Variants in TMCC1 observed in about 807,000 individuals in gnomAD.
The protein encoded by TMCC1 is transmembrane and coiled-coil domains protein 1.
A neutral mutation model predicts 52.4 loss-of-function variants in TMCC1; 15 were observed. That is an observed-to-expected ratio of 0.29 (90% confidence interval 0.19 to 0.44). TMCC1 has a LOEUF of 0.44. TMCC1 is among the 20% of genes least tolerant of loss of function. The pLI is 1.00. For missense variants in TMCC1, 503 were observed against 806.0 expected (o/e 0.62, Z 4.55); for synonymous variants, 279 against 301.9 (o/e 0.92, Z 0.79).
intron 4 of TMCC1, among the ~76,000 whole-genome samples, chr3:129,725,797 C>G (rs551645245): frequency 6.6e-6 from 1 of 152,050 alleles, no homozygotes; most frequent in African/African-American, 2.4e-5. Flanking sequence ...AAGAAACAAC[C>G]GTACTAAATT....
At chr3:129,676,331 T>C (rs1157652559) in intron 4 of TMCC1, among the ~76,000 whole-genome samples, 1 of 152,224 alleles carries the variant, frequency 6.6e-6, no homozygotes, top group Non-Finnish European at 1.5e-5. Context: ...TTTGACTGTT[T>C]ATTATATGCA....
At chr3:129,822,332 C>A (rs2058461031) in intron 4 of TMCC1, among the ~76,000 whole-genome samples, 2 of 152,096 alleles carry the variant, frequency 1.3e-5, no homozygotes, top group South Asian at 4.1e-4. Context: ...CCTAGCTACT[C>A]AAGAGACTGA....
intron 4 of TMCC1, among the ~76,000 whole-genome samples, chr3:129,770,044 G>A (rs768391268): frequency 1.3e-5 from 2 of 152,108 alleles, no homozygotes; most frequent in Non-Finnish European, 2.9e-5. Flanking sequence ...GGCCTACCTT[G>A]CATTTCTGAA....
Position 129,748,191 on chromosome 3 carries a change from CTG to C in TMCC1, c.577-76929_577-76928del, listed in dbSNP as rs202031333. Reference sequence around the variant, plus strand: ...GTTCAACACTTCCTGTGTCTCAAAACTGTATTGAAATAAACAGCCATGTCATC... The same window carrying C: ...GTTCAACACTTCCTGTGTCTCAAAACTATTGAAATAAACAGCCATGTCATC... On this transcript the variant is annotated intron_variant, in intron 4 of 6. Transcript: ENST00000393238. Among the ~76,000 whole-genome samples the C allele has an allele frequency of 9.1e-3, 1,392 of 152,272 alleles. 22 individuals carry two copies. The highest frequency in any genetic ancestry group is 0.031 in the African/African-American group (1,301 of 41,538).
At chr3:129,748,898 G>A (rs1326599113) in intron 4 of TMCC1, among the ~76,000 whole-genome samples, 2 of 152,002 alleles carry the variant, frequency 1.3e-5, no homozygotes, top group African/African-American at 2.4e-5. Context: ...AGCTACTCAG[G>A]AGGCTAAGTG....
intron 4 of TMCC1, among the ~76,000 whole-genome samples, chr3:129,732,364 C>T (rs2050610810): frequency 6.6e-6 from 1 of 152,146 alleles, no homozygotes; most frequent in African/African-American, 2.4e-5. Context: ...CTTTTTGGAT[C>T]TGTCCCACAG....
chr3:129,799,645 C>G (rs1041455657), intron 4 of TMCC1, among the ~76,000 whole-genome samples: 2 of 152,120 alleles, frequency 1.3e-5, no homozygotes, highest in African/African-American at 4.8e-5. Flanking sequence ...CTCATCTCTA[C>G]TAAAAATACA....
intron 2 of TMCC1, among the ~76,000 whole-genome samples, chr3:129,853,715 T>C (rs1017857148): frequency 1.3e-4 from 20 of 151,938 alleles, no homozygotes; most frequent in Non-Finnish European, 2.6e-4. Flanking sequence ...CAATCCATTA[T>C]CTCCTCTTTT....
At chr3:129,819,509 C>T (rs1437719660) in intron 4 of TMCC1, among the ~76,000 whole-genome samples, 1 of 152,182 alleles carries the variant, frequency 6.6e-6, no homozygotes, top group Non-Finnish European at 1.5e-5. Flanking sequence ...CTGAATTAAA[C>T]TCTACAACTT....
chr3:129,722,516 A>G (rs908338034), intron 4 of TMCC1, among the ~76,000 whole-genome samples: 1 of 152,128 alleles, frequency 6.6e-6, no homozygotes, highest in Non-Finnish European at 1.5e-5. Flanking sequence ...TACTAACTAT[A>G]TTGTTTTGAT....
chr3:129,864,482 A>G (rs970719942), intron 2 of TMCC1, among the ~76,000 whole-genome samples: 8 of 152,182 alleles, frequency 5.3e-5, no homozygotes, highest in African/African-American at 1.9e-4. Context: ...CAGTCTTTTA[A>G]TAAATTTATA....
At chr3:129,787,529 C>CTT (rs2056125880) in intron 4 of TMCC1, among the ~76,000 whole-genome samples, 1 of 151,996 alleles carries the variant, frequency 6.6e-6, no homozygotes, top group Admixed American at 6.5e-5. Flanking sequence ...GAGGTTAAGC[C>CTT]CTAACCTCAG....
chr3:129,762,130 G>C (rs2053663110), intron 4 of TMCC1, among the ~76,000 whole-genome samples: 1 of 149,776 alleles, frequency 6.7e-6, no homozygotes, highest in African/African-American at 2.5e-5. Flanking sequence ...TCTGTCACTT[G>C]GGGCTCAAGA....
chr3:129,697,650 T>C (rs946477827), intron 4 of TMCC1, among the ~76,000 whole-genome samples: 1 of 152,206 alleles, frequency 6.6e-6, no homozygotes, highest in Non-Finnish European at 1.5e-5. Context: ...CAAACTTTTA[T>C]GCTCTGCTTC....
intron 2 of TMCC1, among the ~76,000 whole-genome samples, chr3:129,875,056 A>G (rs2061125522): frequency 6.6e-6 from 1 of 152,110 alleles, no homozygotes; most frequent in South Asian, 2.1e-4. Flanking sequence ...CCCACACTGC[A>G]TTAAGATGAC....
At chr3:129,858,058 GAAGTTTT>G (rs2060223661) in intron 2 of TMCC1, among the ~76,000 whole-genome samples, 1 of 151,696 alleles carries the variant, frequency 6.6e-6, no homozygotes, top group Non-Finnish European at 1.5e-5. Context: ...TAAACAAAGG[GAAGTTTT>G]ACAATGCTAA....
intron 4 of TMCC1, among the ~76,000 whole-genome samples, chr3:129,770,902 A>G (rs1168642896): frequency 6.6e-6 from 1 of 152,242 alleles, no homozygotes; most frequent in African/African-American, 2.4e-5. Context: ...GGTTCCCTAA[A>G]CAGTCATAAT....
chr3:129,859,975 C>A (rs777545010), intron 2 of TMCC1, among the ~76,000 whole-genome samples: 4 of 152,082 alleles, frequency 2.6e-5, no homozygotes, highest in African/African-American at 7.2e-5. Context: ...ATCTATCAAT[C>A]GCCAATGATA....
intron 2 of TMCC1, among the ~76,000 whole-genome samples, chr3:129,835,597 T>C (rs371107067): frequency 1.3e-5 from 2 of 152,342 alleles, no homozygotes; most frequent in South Asian, 2.1e-4. Context: ...GTTCTTGTAC[T>C]GTCCAAGAGT....
Sources: allele counts gnomAD v4.1 joint callset (sites outside exome capture counted in the v4.1 genomes callset), GRCh38; gene constraint gnomAD v4.1.1; transcripts MANE v1.5; gene names NCBI Gene and HGNC (gene_info 2026-07-23, HGNC 2026-07-21).